ANAPC10: variants seen among roughly 807,000 people sequenced by gnomAD.
ANAPC10 encodes anaphase promoting complex subunit 10, also known as anaphase-promoting complex subunit 10.
A neutral mutation model predicts 22.0 loss-of-function variants in ANAPC10; 12 were observed. The observed-to-expected ratio is 0.55, with a 90% confidence interval of 0.35 to 0.88. The LOEUF is 0.88. Among genes scored for constraint, ANAPC10 ranks in the 40% least tolerant of loss-of-function variants. The pLI, the probability that ANAPC10 is intolerant of heterozygous loss-of-function variation, is 0.01. For missense variants in ANAPC10, 188 were observed against 220.9 expected (o/e 0.85, Z 0.94); for synonymous variants, 65 against 69.5 (o/e 0.94, Z 0.32).
chr4:145,022,911 C>T (rs181293034), intron 4 of ANAPC10, among the ~76,000 whole-genome samples: 2 of 151,390 alleles, frequency 1.3e-5, no homozygotes, highest in African/African-American at 4.8e-5. Context: ...TTTAGGGTAC[C>T]TGTGCACAAC....
At chr4:145,041,960 C>T (rs998853604) in intron 4 of ANAPC10, among the ~76,000 whole-genome samples, 1 of 152,028 alleles carries the variant, frequency 6.6e-6, no homozygotes, top group Non-Finnish European at 1.5e-5. Context: ...ATATTTATTC[C>T]TTTATTAACT....
intron 4 of ANAPC10, among the ~76,000 whole-genome samples, chr4:145,041,646 T>G (rs1417253142): frequency 6.6e-6 from 1 of 152,210 alleles, no homozygotes; most frequent in Non-Finnish European, 1.5e-5. Flanking sequence ...GACAATCTCT[T>G]CCATATTCTG....
chr4:145,042,961 C>T (rs903392164), intron 4 of ANAPC10, among the ~76,000 whole-genome samples: 12 of 150,694 alleles, frequency 8.0e-5, no homozygotes, highest in African/African-American at 2.7e-4. Flanking sequence ...TCTTTTCAAA[C>T]GATGTAATTT....
chr4:145,061,233 A>G, intron 4 of ANAPC10, among the ~76,000 whole-genome samples: 1 of 152,178 alleles, frequency 6.6e-6, no homozygotes, highest in East Asian at 1.9e-4. Context: ...CACTTAGATG[A>G]CATAATAGAA....
chr4:145,012,828 G>A (rs146174860), intron 4 of ANAPC10, among the ~76,000 whole-genome samples: 1 of 152,268 alleles, frequency 6.6e-6, no homozygotes, highest in East Asian at 1.9e-4. Context: ...GTTTGGGTCT[G>A]TGTCCCTGCC....
chr4:145,028,260 A>C (rs947856354), intron 4 of ANAPC10, among the ~76,000 whole-genome samples: 6 of 152,276 alleles, frequency 3.9e-5, no homozygotes, highest in East Asian at 1.9e-4. Flanking sequence ...CTTCCAGCGA[A>C]TATAAAGCAG....
chr4:145,097,811 G>A (rs954762720), intron 1 of ANAPC10: 5 of 339,620 alleles, frequency 1.5e-5, no homozygotes, highest in East Asian at 1.5e-4. Flanking sequence ...TTCAACTGCC[G>A]GACTTGGGAC....
chr4:145,075,203 C>G (rs1745025200), intron 3 of ANAPC10, among the ~76,000 whole-genome samples: 1 of 152,132 alleles, frequency 6.6e-6, no homozygotes, highest in Non-Finnish European at 1.5e-5. Flanking sequence ...TGAAACTAAA[C>G]TCACTGTCAA....
intron 4 of ANAPC10, among the ~76,000 whole-genome samples, chr4:145,046,740 TGTCCA>T (rs917983415): frequency 7.0e-4 from 107 of 152,212 alleles, no homozygotes; most frequent in African/African-American, 2.5e-3. Context: ...TTGTTCTCTC[TGTCCA>T]GTTGCAACAG....
intron 4 of ANAPC10, among the ~76,000 whole-genome samples, chr4:145,023,362 G>C (rs1736234153): frequency 6.6e-6 from 1 of 152,148 alleles, no homozygotes; most frequent in African/African-American, 2.4e-5. Flanking sequence ...ACACGGTCCT[G>C]CATGATTTTG....
intron 4 of ANAPC10, among the ~76,000 whole-genome samples, chr4:145,025,998 G>A (rs1431126671): frequency 6.6e-6 from 1 of 152,222 alleles, no homozygotes. Context: ...AAGACTAGAT[G>A]GCAGCACCTG....
rs182810136 is a variant in ANAPC10, at chr4:145,066,381, G to C, written c.207-1689C>G. Among the ~76,000 whole-genome samples, 9 of 152,190 alleles carry C rather than the reference G, an allele frequency of 5.9e-5. No homozygotes were observed. In the East Asian group the frequency reaches 1.4e-3, roughly 23 times the overall value. On this transcript the variant is annotated intron_variant, in intron 3 of 4. Coordinates refer to ENST00000507656, the MANE Select transcript of ANAPC10 (RefSeq NM_001256706.2). The stretch of plus-strand genomic sequence containing the variant: ...CAGGAGAGGAAGCAAAGAAGGACAG[G>C]AAATTTTTGAAGACCTTTTTCCTTG...
chr4:145,044,155 T>C (rs952703048), intron 4 of ANAPC10, among the ~76,000 whole-genome samples: 3 of 152,048 alleles, frequency 2.0e-5, no homozygotes, highest in South Asian at 2.1e-4. Flanking sequence ...TTGACAGTAT[T>C]TGCATTATAT....
chr4:145,020,273 G>A (rs566164476), intron 4 of ANAPC10, among the ~76,000 whole-genome samples: 34 of 152,214 alleles, frequency 2.2e-4, no homozygotes, highest in African/African-American at 8.2e-4. Flanking sequence ...TGCAGGGATG[G>A]TTTAACATCC....
intron 4 of ANAPC10, among the ~76,000 whole-genome samples, chr4:145,045,728 T>A (rs368211942): frequency 4.6e-5 from 7 of 152,044 alleles, no homozygotes; most frequent in African/African-American, 1.7e-4. Flanking sequence ...CACATACTCA[T>A]CTAAAATGTC....
At chr4:145,049,701 T>A (rs1236172572) in intron 4 of ANAPC10, among the ~76,000 whole-genome samples, 1 of 152,124 alleles carries the variant, frequency 6.6e-6, no homozygotes, top group African/African-American at 2.4e-5. Flanking sequence ...CACCTCAGCC[T>A]CCCAAGTAGA....
At chr4:145,026,957 G>GTGTGTATATATATATATATA (rs1343774253) in intron 4 of ANAPC10, among the ~76,000 whole-genome samples, 1 of 18,350 alleles carries the variant, frequency 5.4e-5, no homozygotes, top group Non-Finnish European at 8.3e-5. Context: ...GTGTGTGTGT[G>GTGTGTATATATATATATATA]TATATATATA....
intron 4 of ANAPC10, among the ~76,000 whole-genome samples, chr4:145,032,124 G>A (rs1438529738): frequency 6.6e-6 from 1 of 152,196 alleles, no homozygotes; most frequent in Non-Finnish European, 1.5e-5. Context: ...TCAACTGGCA[G>A]AGGAAGAGAA....
At chr4:145,088,750 C>T (rs1019395827) in intron 2 of ANAPC10, among the ~76,000 whole-genome samples, 1 of 152,194 alleles carries the variant, frequency 6.6e-6, no homozygotes, top group African/African-American at 2.4e-5. Flanking sequence ...AATTCTGTAT[C>T]AGATCATCTT....
Sources: allele counts gnomAD v4.1 joint callset (sites outside exome capture counted in the v4.1 genomes callset), GRCh38; gene constraint gnomAD v4.1.1; transcripts MANE v1.5; gene names NCBI Gene and HGNC (gene_info 2026-07-23, HGNC 2026-07-21).